Variants in SLC26A5 observed in about 807,000 individuals in gnomAD.
SLC26A5 encodes the protein solute carrier family 26 member 5.
SLC26A5 carries 51 observed loss-of-function variants against 81.0 expected under a neutral mutation model. The observed-to-expected ratio is 0.63, with a 90% CI of 0.50 to 0.80. SLC26A5 has a LOEUF of 0.80. SLC26A5 is among the 30% of genes least tolerant of loss of function. SLC26A5 has a pLI of 0.00. For synonymous variants in SLC26A5, 325 were observed against 332.8 expected, an observed-to-expected ratio of 0.98 and a Z score of 0.25; for missense variants, 771 against 905.8, an observed-to-expected ratio of 0.85 and a Z score of 1.91.
intron 4 of SLC26A5, among the ~76,000 whole-genome samples, chr7:103,415,631 CATG>C (rs1824844524): frequency 6.6e-6 from 1 of 152,166 alleles, no homozygotes; most frequent in South Asian, 2.1e-4. Context: ...ATGTTTGTAT[CATG>C]ATTTCTCAGT....
At chr7:103,373,658 G>C (rs1389709156), downstream of SLC26A5, among the ~76,000 whole-genome samples, 2 of 152,172 alleles carry the variant, frequency 1.3e-5, no homozygotes, top group Non-Finnish European at 2.9e-5. Flanking sequence ...TGCAAATCTG[G>C]GGACAATTGG....
chr7:103,371,449 C>G (rs1199585746), downstream of SLC26A5, among the ~76,000 whole-genome samples: 2 of 150,694 alleles, frequency 1.3e-5, no homozygotes, highest in South Asian at 2.1e-4. Context: ...CTCAGCCTCC[C>G]GAGTAGCTGG....
intron 5 of SLC26A5, among the ~76,000 whole-genome samples, chr7:103,412,699 C>A (rs1032268871): frequency 1.3e-5 from 2 of 151,704 alleles, no homozygotes; most frequent in African/African-American, 4.8e-5. Context: ...ACAGTCACCC[C>A]TCACCAAGCC....
intron 4 of SLC26A5, among the ~76,000 whole-genome samples, chr7:103,415,358 C>T (rs1824822462): frequency 6.6e-6 from 1 of 152,216 alleles, no homozygotes; most frequent in Admixed American, 6.5e-5. Flanking sequence ...ACTTCCAACT[C>T]GTTTAGCTGT....
At chr7:103,375,915 C>T (rs1031119171) in intron 19 of SLC26A5, among the ~76,000 whole-genome samples, 19 of 151,782 alleles carry the variant, frequency 1.3e-4, no homozygotes, top group African/African-American at 4.1e-4. Flanking sequence ...GCCACCAAGC[C>T]GGGCTAATTT....
At chr7:103,379,754 T>G (rs1273670396) in intron 15 of SLC26A5, among the ~76,000 whole-genome samples, 1 of 152,132 alleles carries the variant, frequency 6.6e-6, no homozygotes, top group African/African-American at 2.4e-5. Context: ...ACTGGTTTGA[T>G]TCACAGAAGC....
chr7:103,375,043 C>T (rs564967902), intron 19 of SLC26A5, among the ~76,000 whole-genome samples: 2 of 147,528 alleles, frequency 1.4e-5, no homozygotes, highest in South Asian at 4.4e-4. Flanking sequence ...CAAACACACA[C>T]ACACACACAC....
chr7:103,388,919 T>A, intron 14 of SLC26A5, 89 bp downstream of exon 14: 3 of 921,212 alleles, frequency 3.3e-6, no homozygotes, highest in Non-Finnish European at 5.3e-6. Flanking sequence ...AGGGCTCCAC[T>A]TCTACCAACT....
intron 6 of SLC26A5, 53 bp downstream of exon 6, chr7:103,411,367 T>C (rs1824471989): frequency 6.2e-7 from 1 of 1,604,820 alleles, no homozygotes; most frequent in Admixed American, 1.7e-5. Context: ...ACTCAGTAGA[T>C]ACTTGTTAGG....
At chr7:103,374,112 T>C (rs1202235080), downstream of SLC26A5, 29 of 1,033,168 alleles carry the variant, frequency 2.8e-5, no homozygotes, top group Non-Finnish European at 3.5e-5. Context: ...GGTAAAATAC[T>C]TGACTGAAAT....
intron 4 of SLC26A5, among the ~76,000 whole-genome samples, chr7:103,415,280 C>G (rs13242948): frequency 6.6e-6 from 1 of 152,240 alleles, no homozygotes; most frequent in Non-Finnish European, 1.5e-5. Flanking sequence ...GCAGCAAAGG[C>G]TCTCTGGAAG....
Position 103,421,380 on chromosome 7 carries a change from C to G in SLC26A5, c.135G>C (p.Lys45Asn), listed in dbSNP as rs766985801. The G allele has an allele frequency of 6.2e-7, 1 of 1,614,066 alleles. No individual in the cohort carries two copies. The highest frequency in any genetic ancestry group is 8.5e-7 in the Non-Finnish European group (1 of 1,179,982). The change falls in exon 3 of 20, where the codon AAG becomes AAC. Residue 45 changes from lysine (K) to asparagine (N), a missense_variant. Coordinates refer to ENST00000306312, the MANE Select transcript of SLC26A5 (RefSeq NM_198999.3). ...CAACGTACGTGAATGCCTGTTTCAGCTTATCCGCAATGGAATCAGGAACCT... is the reference window on the plus strand; with the variant it reads ...CAACGTACGTGAATGCCTGTTTCAGGTTATCCGCAATGGAATCAGGAACCT... ...KDKVPDSIAD[K>N]LKQAFTCTPK... is the part of the protein sequence containing the mutation.
intron 8 of SLC26A5, among the ~76,000 whole-genome samples, chr7:103,402,205 T>C (rs1280714300): frequency 1.3e-5 from 2 of 152,136 alleles, no homozygotes; most frequent in Admixed American, 1.3e-4. Context: ...TTTTTTTTGG[T>C]GGTAGGCTAT....
chr7:103,389,622 C>G (rs1822484245), intron 12 of SLC26A5, among the ~76,000 whole-genome samples, 198 bp from the exon 13 acceptor site: 1 of 152,062 alleles, frequency 6.6e-6, no homozygotes, highest in Non-Finnish European at 1.5e-5. Context: ...GAAAATCAGT[C>G]TTTCTTTTTT....
At chr7:103,437,494 C>T (rs1376868596) in intron 2 of SLC26A5, among the ~76,000 whole-genome samples, 1 of 152,132 alleles carries the variant, frequency 6.6e-6, no homozygotes, top group Non-Finnish European at 1.5e-5. Context: ...ATGTTTATTA[C>T]AGCATTATTC....
intron 10 of SLC26A5, among the ~76,000 whole-genome samples, 178 bp from the exon 11 acceptor site, chr7:103,391,913 G>A (rs1586254234): frequency 6.6e-6 from 1 of 152,236 alleles, no homozygotes; most frequent in Admixed American, 6.5e-5. Flanking sequence ...TTTATAGTGA[G>A]AGGGGGGAAC....
chr7:103,430,076 CTTTTTTT>C (rs34122107), intron 2 of SLC26A5, among the ~76,000 whole-genome samples: 10 of 137,204 alleles, frequency 7.3e-5, no homozygotes, highest in Admixed American at 2.2e-4. Context: ...GGAAATGGCA[CTTTTTTT>C]TTTTTTTTTT....
At chr7:103,438,428 C>T (rs1049170096) in intron 2 of SLC26A5, among the ~76,000 whole-genome samples, 10 of 150,590 alleles carry the variant, frequency 6.6e-5, no homozygotes, top group Non-Finnish European at 1.3e-4. Flanking sequence ...TCTCGACTCA[C>T]TGCAACCTCT....
intron 12 of SLC26A5, among the ~76,000 whole-genome samples, 194 bp downstream of exon 12, chr7:103,390,235 G>C (rs924955557): frequency 6.6e-6 from 1 of 152,146 alleles, no homozygotes; most frequent in Non-Finnish European, 1.5e-5. Context: ...AGTTAAGATG[G>C]CTTTCCCCAG....
Sources: allele counts gnomAD v4.1 joint callset (sites outside exome capture counted in the v4.1 genomes callset), GRCh38; gene constraint gnomAD v4.1.1; transcripts MANE v1.5; gene names NCBI Gene and HGNC (gene_info 2026-07-23, HGNC 2026-07-21).